CREB5: variants seen among roughly 807,000 people sequenced by gnomAD.
CREB5 encodes the protein cAMP responsive element binding protein 5, also known as cyclic AMP-responsive element-binding protein 5.
Under a neutral mutation model 57.1 loss-of-function variants are expected in CREB5, and 19 were observed. The observed-to-expected ratio is 0.33, with a 90% CI of 0.23 to 0.49. The LOEUF is 0.49. Among genes scored for constraint, CREB5 ranks in the 20% least tolerant of loss-of-function variants. The pLI, the probability that CREB5 is intolerant of heterozygous loss-of-function variation, is 0.99. For missense variants in CREB5, 579 were observed against 671.6 expected (o/e 0.86, Z 1.52); for synonymous variants, 238 against 238.3 (o/e 1.00, Z 0.01).
intron 5 of CREB5, chr7:28,686,283 C>T: frequency 3.3e-6 from 3 of 900,318 alleles, no homozygotes; most frequent in Non-Finnish European, 5.4e-6. Flanking sequence ...CCTTCGTCCT[C>T]CTCCTCCTCC....
intron 5 of CREB5, among the ~76,000 whole-genome samples, chr7:28,668,614 A>G (rs1422792677): frequency 6.6e-6 from 1 of 152,216 alleles, no homozygotes; most frequent in African/African-American, 2.4e-5. Flanking sequence ...ACAAAAACCA[A>G]AACAAAATGA....
intron 7 of CREB5, among the ~76,000 whole-genome samples, chr7:28,753,369 C>T (rs550947163): frequency 1.3e-5 from 2 of 152,080 alleles, no homozygotes; most frequent in African/African-American, 2.4e-5. Context: ...ATCTCTCTCT[C>T]GTGCATGCAT....
chr7:28,654,410 C>T (rs1799256847), intron 5 of CREB5, among the ~76,000 whole-genome samples: 2 of 152,182 alleles, frequency 1.3e-5, no homozygotes, highest in South Asian at 4.1e-4. Context: ...GCAAATGGCA[C>T]TGTTTAAATC....
At chr7:28,794,131 T>C (rs1262986055) in intron 7 of CREB5, among the ~76,000 whole-genome samples, 1 of 152,228 alleles carries the variant, frequency 6.6e-6, no homozygotes, top group African/African-American at 2.4e-5. Context: ...TAACATATGT[T>C]ACTGCCTGTG....
At chr7:28,508,902 A>G (rs1348042733) in intron 4 of CREB5, among the ~76,000 whole-genome samples, 2 of 152,230 alleles carry the variant, frequency 1.3e-5, no homozygotes, top group African/African-American at 4.8e-5. Context: ...GCCAAATAAT[A>G]AGGTTCTGAG....
intron 4 of CREB5, among the ~76,000 whole-genome samples, chr7:28,560,914 G>GCA (rs1795175646): frequency 5.5e-5 from 2 of 36,296 alleles, no homozygotes; most frequent in Non-Finnish European, 1.0e-4. Context: ...GCGTGCGTGT[G>GCA]CGTGTGTGCG....
intron 3 of CREB5, among the ~76,000 whole-genome samples, chr7:28,506,391 G>T (rs989782068): frequency 2.0e-5 from 3 of 152,196 alleles, no homozygotes; most frequent in African/African-American, 7.2e-5. Context: ...TAATGGCTTA[G>T]AGAACTATGC....
intron 1 of CREB5, among the ~76,000 whole-genome samples, chr7:28,337,871 A>T (rs1476528645): frequency 6.6e-6 from 1 of 151,876 alleles, no homozygotes; most frequent in Non-Finnish European, 1.5e-5. Context: ...TATTCGTTGT[A>T]TGTTTTTTGA....
At chr7:28,568,971 T>C (rs1795592043) in intron 4 of CREB5, among the ~76,000 whole-genome samples, 1 of 152,176 alleles carries the variant, frequency 6.6e-6, no homozygotes, top group African/African-American at 2.4e-5. Context: ...ACATATTTTT[T>C]CTTTAGTAAA....
intron 1 of CREB5, among the ~76,000 whole-genome samples, chr7:28,392,279 G>A (rs891387999): frequency 6.6e-6 from 1 of 152,004 alleles, no homozygotes; most frequent in Non-Finnish European, 1.5e-5. Context: ...TAAAATAAAA[G>A]TTTAAAAAAA....
chr7:28,591,823 T>C (rs1237149396), intron 5 of CREB5, among the ~76,000 whole-genome samples: 1 of 152,174 alleles, frequency 6.6e-6, no homozygotes. Context: ...GTAATACTAT[T>C]ATATTAGTAA....
At chr7:28,333,460 C>T (rs975354600) in intron 1 of CREB5, among the ~76,000 whole-genome samples, 1 of 152,114 alleles carries the variant, frequency 6.6e-6, no homozygotes, top group Non-Finnish European at 1.5e-5. Context: ...GACGTAGTCA[C>T]CTTGCTGTGC....
chr7:28,467,020 G>C (rs920333431), intron 1 of CREB5, among the ~76,000 whole-genome samples: 4 of 152,230 alleles, frequency 2.6e-5, no homozygotes, highest in African/African-American at 7.2e-5. Flanking sequence ...GGGACAGGGG[G>C]CCAAGGGAAG....
intron 4 of CREB5, among the ~76,000 whole-genome samples, chr7:28,568,904 C>T (rs1362917935): frequency 6.6e-6 from 1 of 152,232 alleles, no homozygotes; most frequent in Non-Finnish European, 1.5e-5. Context: ...AGGACCACTT[C>T]TAGTTCTCTT....
At chr7:28,561,676 T>C (rs1358874319) in intron 4 of CREB5, among the ~76,000 whole-genome samples, 3 of 152,246 alleles carry the variant, frequency 2.0e-5, no homozygotes, top group Non-Finnish European at 4.4e-5. Flanking sequence ...GCACACAGCA[T>C]GGAGGCAGGC....
intron 5 of CREB5, among the ~76,000 whole-genome samples, chr7:28,635,248 A>G (rs1202148263): frequency 1.3e-5 from 2 of 152,190 alleles, no homozygotes; most frequent in Non-Finnish European, 2.9e-5. Context: ...GATATTGCTC[A>G]TATTTTATCC....
At chr7:28,389,541 T>C (rs1270022657) in intron 1 of CREB5, among the ~76,000 whole-genome samples, 5 of 152,192 alleles carry the variant, frequency 3.3e-5, no homozygotes. Flanking sequence ...GTGTTCACCT[T>C]ACTTAGCCTT....
intron 5 of CREB5, among the ~76,000 whole-genome samples, chr7:28,708,954 G>T (rs1802266204): frequency 6.6e-6 from 1 of 152,096 alleles, no homozygotes; most frequent in African/African-American, 2.4e-5. Flanking sequence ...CATAATCAGA[G>T]GGCTACTTAT....
chr7:28,510,777 G>A (rs10215668), intron 4 of CREB5, among the ~76,000 whole-genome samples: 244 of 152,238 alleles, frequency 1.6e-3, no homozygotes, highest in Middle Eastern at 0.01. Flanking sequence ...CAGACAACAC[G>A]TTCCATAATA....
Sources: gnomAD v4.1 joint callset for allele counts (sites outside exome capture counted in the v4.1 genomes callset) on GRCh38, gnomAD v4.1.1 for gene constraint, MANE v1.5 for transcripts, NCBI Gene and HGNC (gene_info 2026-07-23, HGNC 2026-07-21) for gene names.